The following SLC1A2 variants were observed in gnomAD, a reference collection of about 807,000 sequenced individuals.
The protein encoded by SLC1A2 is solute carrier family 1 member 2, also known as excitatory amino acid transporter 2.
A neutral mutation model predicts 48.8 loss-of-function variants in SLC1A2; 15 were observed. The ratio of observed to expected loss-of-function variants is 0.31; its 90% CI spans 0.21 to 0.47. The LOEUF is 0.47. Ranked by LOEUF, SLC1A2 falls within the 20% of genes least tolerant of loss-of-function variation. The probability of loss-of-function intolerance (pLI) is 0.99; values close to 1 mark genes in which losing one functional copy is unlikely to be tolerated. For synonymous variants in SLC1A2, 279 were observed against 272.6 expected, an observed-to-expected ratio of 1.02 and a Z score of -0.23; for missense variants, 502 against 730.5, an observed-to-expected ratio of 0.69 and a Z score of 3.61.
At chr11:35,380,506 ATC>A in intron 1 of SLC1A2, 1 of 398,356 alleles carries the variant, frequency 2.5e-6, no homozygotes, top group Non-Finnish European at 4.4e-6. Flanking sequence ...GATTGGTCTG[ATC>A]TCTCGATACA....
At chr11:35,284,087 T>TTATATATATATATATATATATA (rs34252173) in intron 8 of SLC1A2, among the ~76,000 whole-genome samples, 1,645 of 115,208 alleles carry the variant, frequency 0.014, 35 homozygotes, top group Middle Eastern at 0.023. Context: ...GAAGATTTTA[T>TTATATATATATATATATATATA]TATATATATA....
chr11:35,275,480 G>A (rs960632412), intron 9 of SLC1A2, among the ~76,000 whole-genome samples: 6 of 152,186 alleles, frequency 3.9e-5, no homozygotes, highest in Admixed American at 1.3e-4. Flanking sequence ...GGCTCCTGAC[G>A]CAAAGGGCTT....
At chr11:35,371,007 C>T (rs1333173694) in intron 1 of SLC1A2, 49 of 985,038 alleles carry the variant, frequency 5.0e-5, no homozygotes, top group Non-Finnish European at 5.8e-5. Context: ...GTGGCATCTT[C>T]CTCTCTCATT....
chr11:35,278,992 C>T (rs963923275), intron 9 of SLC1A2, among the ~76,000 whole-genome samples: 8 of 152,138 alleles, frequency 5.3e-5, no homozygotes. Flanking sequence ...GCACTCCATC[C>T]TGGGCAACAG....
rs561139132 is a variant in SLC1A2 at position 35,401,978 on chromosome 11, T to C, written c.17+16972A>G. ...TCCTGTGCCCCCACCCAACATCACC[T>C]GAAACAATCAGTTATATTTTTAGAA... is the stretch of plus-strand genomic sequence containing the variant. On this transcript the variant is annotated intron_variant, in intron 1 of 10. Coordinates refer to ENST00000278379, the MANE Select transcript of SLC1A2 (RefSeq NM_004171.4). 3.3e-5 allele frequency among the ~76,000 whole-genome samples: 5 copies of C among 151,956 alleles called. No homozygotes were observed. The South Asian group carries it at 8.3e-4, about 25-fold the overall frequency.
intron 10 of SLC1A2, among the ~76,000 whole-genome samples, chr11:35,261,241 G>A (rs1299833157): frequency 6.6e-6 from 1 of 152,164 alleles, no homozygotes; most frequent in African/African-American, 2.4e-5. Flanking sequence ...GTTGTGGGGT[G>A]TCTAACTACC....
rs200001008 is a variant in SLC1A2 at position 35,408,454 on chromosome 11, AT to A, written c.17+10495del. ...TAGTGAATAAGTCTCACAAGATCTG[AT>A]GGGTTTATCAGGGGTTTCCACTTTT... On this transcript the variant is annotated intron_variant, in intron 1 of 10. Coordinates refer to ENST00000278379, the MANE Select transcript of SLC1A2 (RefSeq NM_004171.4). Among the ~76,000 whole-genome samples the A allele has an allele frequency of 5.9e-3, 892 of 152,224 alleles. 10 individuals carry two copies. The highest frequency in any genetic ancestry group is 0.021 in the African/African-American group (868 of 41,516).
At chr11:35,371,184 C>G (rs1854050819) in intron 1 of SLC1A2, 7 of 458,406 alleles carry the variant, frequency 1.5e-5, no homozygotes, top group Non-Finnish European at 2.0e-5. Context: ...TGTTGAAACT[C>G]TGAATGCAAG....
intron 7 of SLC1A2, 108 bp downstream of exon 7, chr11:35,292,179 G>T: frequency 1.3e-6 from 1 of 786,748 alleles, no homozygotes; most frequent in Non-Finnish European, 2.1e-6. Context: ...AGTAATGTGT[G>T]CCAAGTGTTC....
chr11:35,283,884 G>A (rs890607911), intron 8 of SLC1A2, among the ~76,000 whole-genome samples: 10 of 151,732 alleles, frequency 6.6e-5, no homozygotes, highest in Admixed American at 6.6e-4. Flanking sequence ...TATTCTAGGA[G>A]TATTGTGTAT....
At chr11:35,407,943 C>A (rs1450631122) in intron 1 of SLC1A2, among the ~76,000 whole-genome samples, 1 of 152,210 alleles carries the variant, frequency 6.6e-6, no homozygotes, top group Non-Finnish European at 1.5e-5. Flanking sequence ...CCATAAAGGC[C>A]CCGGCCTGTC....
At chr11:35,323,174 CT>C in intron 1 of SLC1A2, 1 of 234,306 alleles carries the variant, frequency 4.3e-6, no homozygotes, top group Non-Finnish European at 8.4e-6. Flanking sequence ...TCACAAACCT[CT>C]TTTCTATAGC....
chr11:35,417,245 C>T lies in SLC1A2; in HGVS notation c.17+1705G>A, dbSNP rs189185440. Among the ~76,000 whole-genome samples the T allele has an allele frequency of 4.9e-3, 746 of 152,344 alleles. 7 individuals are homozygous for T. The highest frequency in any genetic ancestry group is 0.014 in the African/African-American group (569 of 41,578). ...AATGCCGAAAATCACTTTGGCTCTA[C>T]ATTGAATGTCACATCATTTGACAGC... On this transcript the variant is annotated intron_variant, in intron 1 of 10. Coordinates refer to ENST00000278379, the MANE Select transcript of SLC1A2 (RefSeq NM_004171.4).
intron 1 of SLC1A2, among the ~76,000 whole-genome samples, chr11:35,339,543 T>G (rs1049684664): frequency 1.3e-5 from 2 of 152,200 alleles, no homozygotes; most frequent in Non-Finnish European, 2.9e-5. Context: ...GGGTTTCAGA[T>G]AGGGATCCTG....
chr11:35,368,631 G>T (rs545146353), intron 1 of SLC1A2, among the ~76,000 whole-genome samples: 1 of 152,352 alleles, frequency 6.6e-6, no homozygotes, highest in East Asian at 1.9e-4. Context: ...AGCAAGGGTT[G>T]TCATGAATAT....
At position 35,286,366 on chromosome 11, in the gene SLC1A2, A is replaced by G. The variant is rs180967325; in HGVS notation, c.1286+391T>C. On this transcript the variant is annotated intron_variant, in intron 8 of 10. Coordinates refer to ENST00000278379, the MANE Select transcript of SLC1A2 (RefSeq NM_004171.4). ...GAGTCAGCTGATGTTGGCCTCAGTT[A>G]CAGTCCTGCCAAATCATTACTGATG... 2.1e-4 allele frequency: 33 copies of G among 156,780 alleles called. No individual in the cohort carries two copies. In the East Asian group the frequency reaches 5.3e-3, roughly 25 times the overall value. 9.7% of individuals were successfully genotyped at this position (156,780 alleles called of 1,614,324 possible).
At chr11:35,311,886 GA>G (rs1851702182) in intron 4 of SLC1A2, among the ~76,000 whole-genome samples, 1 of 67,888 alleles carries the variant, frequency 1.5e-5, no homozygotes, top group East Asian at 8.1e-4. Context: ...GAGAGAGAGA[GA>G]GAGAGGGAGG....
Position 35,286,743 on chromosome 11 carries a change from C to A in SLC1A2, c.1286+14G>T. 6.3e-7 allele frequency: 1 copy of A among 1,597,980 alleles called. No individual in the cohort carries two copies. Among genetic ancestry groups the A allele is most frequent in the Non-Finnish European group, 8.5e-7 (1 of 1,169,618 alleles). ...GGGTAGAGGTTGTTTTGTGTTTTAC[C>A]CCACCCTTCTCACCTTACAGTCACA... On this transcript the variant is annotated intron_variant, in intron 8 of 10. Transcript: ENST00000278379.
At chr11:35,340,786 T>G (rs1852809800) in intron 1 of SLC1A2, among the ~76,000 whole-genome samples, 1 of 152,188 alleles carries the variant, frequency 6.6e-6, no homozygotes, top group African/African-American at 2.4e-5. Flanking sequence ...CTAAATGAAC[T>G]TTCTTAGAAA....
Sources: gnomAD v4.1 joint callset for allele counts (sites outside exome capture counted in the v4.1 genomes callset) on GRCh38, gnomAD v4.1.1 for gene constraint, MANE v1.5 for transcripts, NCBI Gene and HGNC (gene_info 2026-07-23, HGNC 2026-07-21) for gene names.